CCDC30: variants seen among roughly 807,000 people sequenced by gnomAD.
CCDC30 encodes coiled-coil domain-containing protein 30.
In CCDC30, 70 loss-of-function variants were observed where a neutral mutation model predicts 100.2. That is an observed-to-expected ratio of 0.70 (90% CI 0.58 to 0.85). The LOEUF is 0.85. CCDC30 is among the 40% of genes least tolerant of loss of function. The pLI is 0.00. For missense variants in CCDC30, 652 were observed against 771.2 expected (o/e 0.85, Z 1.83); for synonymous variants, 233 against 269.5 (o/e 0.86, Z 1.33).
intron 6 of CCDC30, among the ~76,000 whole-genome samples, chr1:42,521,978 A>G (rs974798020): frequency 8.5e-5 from 13 of 152,088 alleles, no homozygotes; most frequent in African/African-American, 3.1e-4. Context: ...ATCCTGCAGT[A>G]TCATAAGGGG....
intron 1 of CCDC30, among the ~76,000 whole-genome samples, chr1:42,470,525 ATCATTC>A (rs1481345946): frequency 2.0e-5 from 3 of 152,264 alleles, no homozygotes; most frequent in African/African-American, 7.2e-5. Flanking sequence ...TCATAGCAGC[ATCATTC>A]ACAATAGTTG....
intron 6 of CCDC30, among the ~76,000 whole-genome samples, chr1:42,517,232 T>C (rs1231707089): frequency 6.6e-6 from 1 of 152,020 alleles, no homozygotes; most frequent in Non-Finnish European, 1.5e-5. Flanking sequence ...CAAAGACAAA[T>C]GCCACCATGC....
intron 11 of CCDC30, among the ~76,000 whole-genome samples, chr1:42,617,731 T>C (rs111430351): frequency 0.017 from 2,643 of 152,266 alleles, 68 homozygotes; most frequent in African/African-American, 0.06. Context: ...CCAGTTTATC[T>C]ATCTAGGTGT....
chr1:42,505,838 C>T (rs978034573), intron 6 of CCDC30, among the ~76,000 whole-genome samples: 1 of 152,134 alleles, frequency 6.6e-6, no homozygotes, highest in African/African-American at 2.4e-5. Flanking sequence ...ACTGTGTAGG[C>T]AACAATATGA....
chr1:42,599,021 A>G (rs1240170781), intron 10 of CCDC30, among the ~76,000 whole-genome samples: 3 of 152,254 alleles, frequency 2.0e-5, no homozygotes, highest in African/African-American at 4.8e-5. Flanking sequence ...GAAACAAAAT[A>G]TAGATCAGAA....
chr1:42,644,628 A>T, intron 13 of CCDC30, 65 bp from the exon 18 acceptor site: 2 of 930,576 alleles, frequency 2.1e-6, no homozygotes, highest in Non-Finnish European at 3.5e-6. Flanking sequence ...AGTGGGATGT[A>T]GTTTTGGGTT....
intron 6 of CCDC30, among the ~76,000 whole-genome samples, chr1:42,514,942 T>C (rs901469112): frequency 7.6e-5 from 11 of 144,708 alleles, no homozygotes; most frequent in African/African-American, 2.8e-4. Flanking sequence ...CATAAGCCAC[T>C]GTGCTTGGCC....
chr1:42,560,150 A>C (rs1200256025), intron 6 of CCDC30, among the ~76,000 whole-genome samples: 6 of 152,228 alleles, frequency 3.9e-5, no homozygotes, highest in Non-Finnish European at 8.8e-5. Flanking sequence ...CAGTGGTAAG[A>C]GGGAAATTTA....
intron 10 of CCDC30, among the ~76,000 whole-genome samples, chr1:42,597,561 G>C (rs1425980561): frequency 1.3e-5 from 2 of 151,970 alleles, no homozygotes; most frequent in African/African-American, 4.8e-5. Flanking sequence ...TGTAATCCCA[G>C]CACTTTGAGA....
chr1:42,635,900 C>T (rs77052605), intron 11 of CCDC30, among the ~76,000 whole-genome samples: 3,608 of 152,144 alleles, frequency 0.024, 118 homozygotes, highest in African/African-American at 0.078. Flanking sequence ...ATATTCCTGC[C>T]TGCAGTGTAT....
intron 11 of CCDC30, among the ~76,000 whole-genome samples, chr1:42,633,794 C>T (rs547003067): frequency 5.9e-5 from 9 of 152,264 alleles, no homozygotes; most frequent in African/African-American, 1.7e-4. Context: ...TTAGTCACTT[C>T]TCATGCTGCT....
chr1:42,520,978 C>CTTTT (rs35261350), intron 6 of CCDC30, among the ~76,000 whole-genome samples: 3 of 133,284 alleles, frequency 2.3e-5, no homozygotes, highest in Non-Finnish European at 4.7e-5. Context: ...TTTCTTTTTT[C>CTTTT]TTTTTTTTTT....
At chr1:42,641,549 T>TAAAAAAACAAAAAAACAA (rs1489884885) in intron 12 of CCDC30, among the ~76,000 whole-genome samples, 132 of 148,332 alleles carry the variant, frequency 8.9e-4, no homozygotes, top group African/African-American at 3.3e-3. Flanking sequence ...AGATCCTGTC[T>TAAAAAAACAAAAAAACAA]AAAAAAACAA....
chr1:42,560,729 A>G (rs559895412), intron 6 of CCDC30, among the ~76,000 whole-genome samples: 74 of 152,262 alleles, frequency 4.9e-4, no homozygotes, highest in African/African-American at 1.8e-3. Flanking sequence ...ATAAAGAAGA[A>G]GGGAGATAAG....
chr1:42,460,085 C>T (rs1466358728), upstream of CCDC30: 3 of 1,391,868 alleles, frequency 2.2e-6, no homozygotes, highest in Non-Finnish European at 2.8e-6. Flanking sequence ...CTTTTAATGA[C>T]ACCTGATATG....
chr1:42,630,067 C>T (rs566636871), intron 11 of CCDC30, among the ~76,000 whole-genome samples: 11 of 149,460 alleles, frequency 7.4e-5, no homozygotes, highest in East Asian at 3.9e-4. Context: ...CTCTAGCTCC[C>T]GGGTTCAAGC....
intron 12 of CCDC30, among the ~76,000 whole-genome samples, chr1:42,642,048 ACC>A (rs1337110576): frequency 2.0e-5 from 3 of 152,066 alleles, no homozygotes; most frequent in Middle Eastern, 3.4e-3. Context: ...ACACGGTGAA[ACC>A]CCATCTCTAC....
chr1:42,544,019 G>A (rs561450211), intron 6 of CCDC30, among the ~76,000 whole-genome samples: 2 of 152,258 alleles, frequency 1.3e-5, no homozygotes, highest in South Asian at 4.1e-4. Context: ...CTTTGATGGG[G>A]ATCCATTTTC....
intron 1 of CCDC30, among the ~76,000 whole-genome samples, chr1:42,479,150 C>T (rs950193513): frequency 2.0e-5 from 3 of 152,188 alleles, no homozygotes; most frequent in Admixed American, 1.3e-4. Flanking sequence ...CCGAGTTGGG[C>T]GGATCACCGG....
Sources: gnomAD v4.1 joint callset for allele counts (sites outside exome capture counted in the v4.1 genomes callset) on GRCh38, gnomAD v4.1.1 for gene constraint, MANE v1.5 for transcripts, NCBI Gene and HGNC (gene_info 2026-07-23, HGNC 2026-07-21) for gene names.